The following ERI3 variants were observed in gnomAD, a reference collection of about 807,000 sequenced individuals.
ERI3 encodes the protein ERI1 exoribonuclease family member 3, also known as ERI1 exoribonuclease 3.
Under a neutral mutation model 44.4 loss-of-function variants are expected in ERI3, and 18 were observed. That is an observed-to-expected ratio of 0.41 (90% CI 0.28 to 0.60). ERI3 has a LOEUF of 0.60. Ranked by LOEUF, ERI3 falls within the 20% of genes least tolerant of loss-of-function variation. The pLI, the probability that ERI3 is intolerant of heterozygous loss-of-function variation, is 0.36. For synonymous variants in ERI3, 183 were observed against 164.8 expected, an observed-to-expected ratio of 1.11 and a Z score of -0.84; for missense variants, 294 against 435.5, an observed-to-expected ratio of 0.68 and a Z score of 2.89.
At position 44,237,889 on chromosome 1, in the gene ERI3, C is replaced by A. The variant is rs182697655; in HGVS notation, c.931+10050G>T. On this transcript the variant is annotated intron_variant, in intron 8 of 8. Transcript: ENST00000372257. ...TGCCTGATCCCACCCACGTGCCTGG[C>A]CTTGGCTCCCGGCGGCCGGCAGCAC... Among the ~76,000 whole-genome samples the A allele has an allele frequency of 3.3e-4, 51 of 152,250 alleles. 1 individual carries two copies. The highest frequency in any genetic ancestry group is 1.2e-3 in the African/African-American group (51 of 41,566).
intron 7 of ERI3, among the ~76,000 whole-genome samples, chr1:44,264,928 C>G (rs1644960565): frequency 6.6e-6 from 1 of 152,212 alleles, no homozygotes; most frequent in Non-Finnish European, 1.5e-5. Flanking sequence ...GCTACTGGTT[C>G]TAGAAATTCC....
At chr1:44,312,274 G>C (rs1344210021) in intron 5 of ERI3, among the ~76,000 whole-genome samples, 3 of 152,154 alleles carry the variant, frequency 2.0e-5, no homozygotes, top group Non-Finnish European at 4.4e-5. Flanking sequence ...TCCTATGCTT[G>C]ATAAGGTCTG....
chr1:44,354,391 T>TATA, intron 1 of ERI3: 1 of 985,472 alleles, frequency 1.0e-6, no homozygotes, highest in Non-Finnish European at 1.2e-6. Flanking sequence ...AGTTATATTT[T>TATA]GCAAGAACTC....
intron 2 of ERI3, among the ~76,000 whole-genome samples, chr1:44,351,631 G>A (rs1391063148): frequency 6.6e-6 from 1 of 152,120 alleles, no homozygotes; most frequent in Non-Finnish European, 1.5e-5. Context: ...AATTTGCAGA[G>A]CACTAATCTA....
intron 3 of ERI3, among the ~76,000 whole-genome samples, chr1:44,336,863 T>C (rs1646545776): frequency 6.6e-6 from 1 of 152,234 alleles, no homozygotes. Context: ...TCATTGATTC[T>C]GGAGATAATC....
At chr1:44,342,858 T>TATAAATATATATATATA (rs1408660607) in intron 2 of ERI3, among the ~76,000 whole-genome samples, 3 of 11,364 alleles carry the variant, frequency 2.6e-4, no homozygotes, top group Non-Finnish European at 3.3e-4. Flanking sequence ...TATATATATA[T>TATAAATATATATATATA]TTTTTTTTTT....
chr1:44,344,736 C>T (rs534560820), intron 2 of ERI3, among the ~76,000 whole-genome samples: 25 of 152,338 alleles, frequency 1.6e-4, no homozygotes, highest in Non-Finnish European at 2.8e-4. Flanking sequence ...TTTCTGCAAA[C>T]TATCTTTCAT....
chr1:44,294,727 C>T (rs1448045945), intron 6 of ERI3, among the ~76,000 whole-genome samples: 2 of 152,252 alleles, frequency 1.3e-5, no homozygotes, highest in African/African-American at 4.8e-5. Context: ...GTTTCCAAGA[C>T]ACTGTGGTCA....
At chr1:44,287,002 C>T (rs1645406962) in intron 6 of ERI3, among the ~76,000 whole-genome samples, 1 of 152,214 alleles carries the variant, frequency 6.6e-6, no homozygotes, top group Non-Finnish European at 1.5e-5. Context: ...ATCAGACATG[C>T]TCTTTTGACC....
chr1:44,311,001 A>G (rs1292467517), intron 5 of ERI3, among the ~76,000 whole-genome samples: 2 of 141,610 alleles, frequency 1.4e-5, no homozygotes, highest in Non-Finnish European at 3.2e-5. Context: ...ACACACACAC[A>G]CACACACACA....
intron 6 of ERI3, among the ~76,000 whole-genome samples, chr1:44,305,268 G>A (rs546766195): frequency 6.6e-6 from 1 of 152,316 alleles, no homozygotes; most frequent in South Asian, 2.1e-4. Context: ...TCAAGTGGGT[G>A]CCTGTGCAGG....
chr1:44,248,502 A>G (rs1265656536), intron 7 of ERI3, among the ~76,000 whole-genome samples: 2 of 152,122 alleles, frequency 1.3e-5, no homozygotes, highest in Non-Finnish European at 2.9e-5. Flanking sequence ...TGCACTCCAC[A>G]GACAGAAATG....
chr1:44,288,806 C>G (rs924578275), intron 6 of ERI3, among the ~76,000 whole-genome samples: 3 of 151,392 alleles, frequency 2.0e-5, no homozygotes, highest in Admixed American at 2.0e-4. Context: ...AGCCTAAGGT[C>G]GGTGGGTATC....
intron 3 of ERI3, among the ~76,000 whole-genome samples, chr1:44,335,737 G>C (rs1205359808): frequency 6.8e-6 from 1 of 146,580 alleles, no homozygotes; most frequent in Non-Finnish European, 1.5e-5. Flanking sequence ...GGCAACAAGA[G>C]CAACTTGTAG....
intron 7 of ERI3, among the ~76,000 whole-genome samples, chr1:44,275,469 A>T (rs1166344873): frequency 6.6e-6 from 1 of 152,180 alleles, no homozygotes; most frequent in Non-Finnish European, 1.5e-5. Context: ...TTATTACTGC[A>T]CTGATTGGGA....
At position 44,312,168 on chromosome 1, in the gene ERI3, G is replaced by T. The variant is rs568490387; in HGVS notation, c.666+1001C>A. Among the ~76,000 whole-genome samples, 3 of 152,236 alleles carry T rather than the reference G, an allele frequency of 2.0e-5. No homozygotes were observed. The South Asian group carries it at 6.2e-4, about 32-fold the overall frequency. On this transcript the variant is annotated intron_variant, in intron 5 of 8. Coordinates refer to ENST00000372257, the MANE Select transcript of ERI3 (RefSeq NM_024066.3). ...ACAGGATCTCTCGGCTAAAAAAAAG[G>T]TATCTTGCCCTGCTCCCTGCCACTA...
At chr1:44,295,995 G>C (rs940298143) in intron 6 of ERI3, among the ~76,000 whole-genome samples, 5 of 152,184 alleles carry the variant, frequency 3.3e-5, no homozygotes, top group Non-Finnish European at 5.9e-5. Context: ...TACTGCGTGG[G>C]CCTCCTTCTC....
chr1:44,352,924 T>C lies in ERI3; in HGVS notation c.137A>G (p.His46Arg). Residue 46 changes from histidine (H) to arginine (R), a missense_variant and splice_region_variant, in exon 2 of 9, where the codon CAT (histidine) becomes CGT (arginine). Physicochemically the swap from His to Arg is conservative, Grantham distance 29 (BLOSUM62 0). Around this residue, in one of 2 missense-constraint regions of ERI3, gnomAD observed 107 missense variants for 96.9 expected, o/e 1.10. Transcript: ENST00000372257. ...TTCTGTGAGAGCTGGAAAGCCCCAA[T>C]GCTGTGGATAAATACACATCTCTGC... ...MGPSWGQHPG[H>R]WGFPALTEPS... 1 of 1,614,160 alleles carries C rather than the reference T, an allele frequency of 6.2e-7. No homozygotes were observed. The highest frequency in any genetic ancestry group is 8.5e-7 in the Non-Finnish European group (1 of 1,180,030).
At chr1:44,336,003 C>A (rs186013959) in intron 3 of ERI3, among the ~76,000 whole-genome samples, 79 of 152,276 alleles carry the variant, frequency 5.2e-4, no homozygotes, top group Non-Finnish European at 8.8e-5. Context: ...TGTTATCGTA[C>A]TCCTTGGAAT....
Sources: allele counts gnomAD v4.1 joint callset (sites outside exome capture counted in the v4.1 genomes callset), GRCh38; gene constraint gnomAD v4.1.1; regional missense constraint gnomAD v4.1.1; transcripts MANE v1.5; gene names NCBI Gene and HGNC (gene_info 2026-07-23, HGNC 2026-07-21).